PPFIA2: variants seen among roughly 807,000 people sequenced by gnomAD.
PPFIA2 encodes the protein PPFI scaffold protein A2.
PPFIA2 carries 46 observed loss-of-function variants against 175.5 expected under a neutral mutation model. That is an observed-to-expected ratio of 0.26 (90% CI 0.21 to 0.34). The LOEUF is 0.34. PPFIA2 is among the 10% of genes least tolerant of loss of function. The pLI, the probability that PPFIA2 is intolerant of heterozygous loss-of-function variation, is 1.00. For missense variants in PPFIA2, 1,179 were observed against 1,506.1 expected (o/e 0.78, Z 3.60); for synonymous variants, 568 against 511.4 (o/e 1.11, Z -1.49).
At chr12:81,675,134 T>G (rs1021847360) in intron 4 of PPFIA2, among the ~76,000 whole-genome samples, 1 of 148,560 alleles carries the variant, frequency 6.7e-6, no homozygotes, top group Non-Finnish European at 1.5e-5. Context: ...TATTATAAGT[T>G]GTTTTAAAAG....
At chr12:81,387,519 G>A (rs748324579) in intron 8 of PPFIA2, among the ~76,000 whole-genome samples, 1 of 152,124 alleles carries the variant, frequency 6.6e-6, no homozygotes, top group Non-Finnish European at 1.5e-5. Flanking sequence ...AACAATGTGA[G>A]AGTGTGGAGA....
At chr12:81,326,345 A>C (rs1566161580) in intron 21 of PPFIA2, among the ~76,000 whole-genome samples, 1 of 152,134 alleles carries the variant, frequency 6.6e-6, no homozygotes, top group African/African-American at 2.4e-5. Context: ...GAGAGAATGG[A>C]GAAACATTTG....
intron 2 of PPFIA2, 111 bp from the exon 3 acceptor site, chr12:81,754,334 T>C: frequency 7.4e-7 from 1 of 1,343,206 alleles, no homozygotes; most frequent in East Asian, 2.5e-5. Flanking sequence ...TTTGTCTCTA[T>C]TTCCCCTACC....
At chr12:81,391,886 T>C (rs1314513469) in intron 8 of PPFIA2, among the ~76,000 whole-genome samples, 1 of 151,862 alleles carries the variant, frequency 6.6e-6, no homozygotes, top group Non-Finnish European at 1.5e-5. Flanking sequence ...CCATTGTAGC[T>C]AGAATGGACT....
intron 4 of PPFIA2, among the ~76,000 whole-genome samples, chr12:81,647,855 C>T (rs1414577676): frequency 7.4e-6 from 1 of 134,874 alleles, no homozygotes; most frequent in South Asian, 2.2e-4. Context: ...TAATATATAA[C>T]ATATATAATA....
intron 4 of PPFIA2, among the ~76,000 whole-genome samples, chr12:81,575,815 CT>C: frequency 6.6e-6 from 1 of 151,780 alleles, no homozygotes; most frequent in Non-Finnish European, 1.5e-5. Flanking sequence ...GTTTACTACT[CT>C]TTTATAAAAA....
intron 4 of PPFIA2, among the ~76,000 whole-genome samples, chr12:81,659,101 A>T (rs2068310079): frequency 1.3e-5 from 2 of 152,200 alleles, no homozygotes; most frequent in African/African-American, 4.8e-5. Context: ...AAGATGGCCA[A>T]ATAGGAACAG....
chr12:81,636,796 G>A (rs1311138710), intron 4 of PPFIA2, among the ~76,000 whole-genome samples: 1 of 151,934 alleles, frequency 6.6e-6, no homozygotes, highest in Non-Finnish European at 1.5e-5. Context: ...GGGATTACAG[G>A]CATGTACCAC....
rs115853095 is a variant in PPFIA2 at position 81,454,955 on chromosome 12, T to G, written c.405+2810A>C. 4.4e-3 allele frequency among the ~76,000 whole-genome samples: 673 copies of G among 152,304 alleles called. 7 individuals are homozygous for G. Among genetic ancestry groups the G allele is most frequent in the African/African-American group, 0.016 (649 of 41,572 alleles). ...TCTCACCCTCCTGGATTCAAGCGAT[T>G]ATCCTATTTCAGCATCACGAGCAGC... is the stretch of plus-strand genomic sequence containing the variant. On this transcript the variant is annotated intron_variant, in intron 5 of 32. Coordinates refer to ENST00000549396, the MANE Select transcript of PPFIA2 (RefSeq NM_003625.5).
At chr12:81,548,314 T>A (rs1406101415) in intron 4 of PPFIA2, among the ~76,000 whole-genome samples, 1 of 152,130 alleles carries the variant, frequency 6.6e-6, no homozygotes, top group Non-Finnish European at 1.5e-5. Flanking sequence ...GGCCTTCCAA[T>A]AATTTTTCTT....
intron 3 of PPFIA2, among the ~76,000 whole-genome samples, chr12:81,704,294 C>T (rs1163850647): frequency 1.3e-5 from 2 of 152,064 alleles, no homozygotes; most frequent in African/African-American, 4.8e-5. Flanking sequence ...TATTATAGCT[C>T]AATTAACAAG....
At chr12:81,351,016 C>T (rs2059913000) in intron 17 of PPFIA2, among the ~76,000 whole-genome samples, 1 of 152,076 alleles carries the variant, frequency 6.6e-6, no homozygotes, top group African/African-American at 2.4e-5. Context: ...CAATTGGGTT[C>T]ATCACTGGGG....
Position 81,294,551 on chromosome 12 carries a change from G to GA in PPFIA2, c.2925+283dup, listed in dbSNP as rs2046007803. 4 of 296,022 alleles carry GA rather than the reference G, an allele frequency of 1.4e-5. No individual in the cohort carries two copies. The East Asian group carries it at 2.2e-4, about 16-fold the overall frequency. The allele number at this position is 296,022 out of a possible 1,614,324, so 18.3% of individuals were successfully genotyped here. A position where few individuals can be genotyped will look rare whatever the true frequency, so the allele number is the denominator to read the frequency against. Reference sequence around the variant, plus strand: ...AAAGGAACGAAGGAAGGAAGGAATTGAAAAAAGAGTAAGCTCAGGGTCTTG... The same window carrying GA: ...AAAGGAACGAAGGAAGGAAGGAATTGAAAAAAAGAGTAAGCTCAGGGTCTTG... On this transcript the variant is annotated intron_variant, in intron 24 of 32. Coordinates refer to ENST00000549396, the MANE Select transcript of PPFIA2 (RefSeq NM_003625.5).
intron 27 of PPFIA2, 76 bp from the exon 28 acceptor site, chr12:81,277,490 AG>A: frequency 7.1e-7 from 1 of 1,400,238 alleles, no homozygotes; most frequent in East Asian, 2.6e-5. Context: ...GATTAGCCAT[AG>A]TCAACACTAT....
At chr12:81,442,235 C>T (rs534632157) in intron 6 of PPFIA2, among the ~76,000 whole-genome samples, 69 of 151,986 alleles carry the variant, frequency 4.5e-4, no homozygotes, top group African/African-American at 1.5e-3. Context: ...AAATCTAAAA[C>T]TGTTTTACAA....
At chr12:81,449,510 A>T (rs1374491836) in intron 5 of PPFIA2, among the ~76,000 whole-genome samples, 2 of 152,046 alleles carry the variant, frequency 1.3e-5, no homozygotes, top group Non-Finnish European at 2.9e-5. Context: ...AACAAAAAAA[A>T]ATCTGATTTT....
chr12:81,490,793 A>T (rs974865098), intron 4 of PPFIA2, among the ~76,000 whole-genome samples: 1 of 151,880 alleles, frequency 6.6e-6, no homozygotes, highest in Non-Finnish European at 1.5e-5. Context: ...TATGCCACTT[A>T]GGCATTTGCT....
Position 81,457,876 on chromosome 12 carries a change from T to C in PPFIA2, c.304-10A>G, listed in dbSNP as rs774235639. 2.0e-6 allele frequency: 3 copies of C among 1,519,634 alleles called. No individual in the cohort carries two copies. The highest frequency in any genetic ancestry group is 2.8e-5 in the African/African-American group (2 of 71,416). 94.1% of individuals were successfully genotyped at this position (1,519,634 alleles called of 1,614,324 possible). ...TCAGTGCAGCAAATTCCTGGAAAAG[T>C]AATAAAAATATTTGAAGAAATATTC... On this transcript the variant is annotated splice_polypyrimidine_tract_variant and intron_variant, in intron 4 of 32. Transcript: ENST00000549396.
intron 8 of PPFIA2, among the ~76,000 whole-genome samples, chr12:81,403,398 C>T (rs1188779995): frequency 6.6e-6 from 1 of 152,184 alleles, no homozygotes; most frequent in Non-Finnish European, 1.5e-5. Context: ...AATAATCTGT[C>T]ATAAACTGTC....
Sources: allele counts gnomAD v4.1 joint callset (sites outside exome capture counted in the v4.1 genomes callset), GRCh38; gene constraint gnomAD v4.1.1; transcripts MANE v1.5; gene names NCBI Gene and HGNC (gene_info 2026-07-23, HGNC 2026-07-21).